The following KDM2B variants were observed in gnomAD, a reference collection of about 807,000 sequenced individuals.
KDM2B encodes the protein lysine-specific demethylase 2B.
Under a neutral mutation model 150.0 loss-of-function variants are expected in KDM2B, and 26 were observed. The ratio of observed to expected loss-of-function variants is 0.17; its 90% CI spans 0.13 to 0.24. The LOEUF (loss-of-function observed/expected upper bound fraction) is 0.24, where lower values mean the gene tolerates loss of function less well. KDM2B is among the 10% of genes least tolerant of loss of function. The pLI, the probability that KDM2B is intolerant of heterozygous loss-of-function variation, is 1.00. For synonymous variants in KDM2B, 734 were observed against 729.5 expected (o/e 1.01, Z -0.10); for missense variants, 1,265 against 1,816.9 (o/e 0.70, Z 5.52).
At chr12:121,459,010 C>T (rs544081203) in intron 12 of KDM2B, among the ~76,000 whole-genome samples, 11 of 148,944 alleles carry the variant, frequency 7.4e-5, no homozygotes, top group African/African-American at 1.2e-4. Context: ...CACTTGAACC[C>T]GGGAGGCAGA....
chr12:121,485,260 A>G (rs1033801328), intron 12 of KDM2B, among the ~76,000 whole-genome samples: 2 of 152,066 alleles, frequency 1.3e-5, no homozygotes, highest in Non-Finnish European at 2.9e-5. Context: ...CAGCTGGGAG[A>G]CTAGAAGGGA....
At position 121,430,062 on chromosome 12, in the gene KDM2B, T is replaced by C; in HGVS notation, c.*226A>G. ...CTTCTTGTAAAGGCCGCCTTAGAAA[T>C]GGTCCAGAAAGCAGTGCAGTTACGA... On this transcript the variant is annotated 3_prime_UTR_variant, in exon 23 of 23. Coordinates refer to ENST00000377071, the MANE Select transcript of KDM2B (RefSeq NM_032590.5). The surrounding 1 kb of genome is among the most constrained non-coding windows in gnomAD (Gnocchi z 4.4). 1 of 1,459,068 alleles carries C rather than the reference T, an allele frequency of 6.9e-7. No homozygotes were observed. Among genetic ancestry groups the C allele is most frequent in the Non-Finnish European group, 9.6e-7 (1 of 1,038,518 alleles). 90.4% of individuals were successfully genotyped at this position (1,459,068 alleles called of 1,614,324 possible). A position where few individuals can be genotyped will look rare whatever the true frequency, so the allele number is the denominator to read the frequency against.
At chr12:121,423,787 G>T in the KDM2B span, 3 of 523,002 alleles carry the variant, frequency 5.7e-6, no homozygotes, top group African/African-American at 5.8e-5. This position sits in a 1 kb window ranked among gnomAD's most constrained non-coding sequence, Gnocchi z 4.3. Context: ...AGCTTCCCGG[G>T]CTCAGCTGGG....
At chr12:121,534,711 C>CT (rs1566388141) in intron 6 of KDM2B, 121 bp from the exon 7 acceptor site, 4 of 689,322 alleles carry the variant, frequency 5.8e-6, no homozygotes, top group Non-Finnish European at 9.9e-6. Context: ...GGGGAATTTT[C>CT]TTTTTTTCTT....
chr12:121,489,898 C>T (rs147079364), intron 12 of KDM2B, among the ~76,000 whole-genome samples: 5 of 152,320 alleles, frequency 3.3e-5, no homozygotes, highest in Non-Finnish European at 7.4e-5. Context: ...AGCACACGGC[C>T]TTCCTGGGAA....
intron 12 of KDM2B, among the ~76,000 whole-genome samples, chr12:121,460,300 T>G (rs1000353108): frequency 1.3e-5 from 2 of 152,220 alleles, no homozygotes; most frequent in African/African-American, 2.4e-5. Context: ...GCAACATCAT[T>G]ATGATGACAT....
intron 8 of KDM2B, among the ~76,000 whole-genome samples, chr12:121,527,459 T>C (rs1555307009): frequency 6.8e-6 from 1 of 146,222 alleles, no homozygotes; most frequent in Admixed American, 6.8e-5. Context: ...GAGACCATCC[T>C]GGCTAACACG....
chr12:121,487,780 G>A (rs1321888623), intron 12 of KDM2B, among the ~76,000 whole-genome samples: 6 of 151,468 alleles, frequency 4.0e-5, no homozygotes, highest in African/African-American at 1.5e-4. Context: ...AAGAGATAAA[G>A]GAGAAGCAGC....
intron 4 of KDM2B, among the ~76,000 whole-genome samples, chr12:121,570,837 A>G (rs1555315792): frequency 6.6e-6 from 1 of 152,242 alleles, no homozygotes; most frequent in Non-Finnish European, 1.5e-5. Context: ...AAGATAAGTG[A>G]AGATGCATGT....
At position 121,439,780 on chromosome 12, in the gene KDM2B, A is replaced by T. The variant is rs1874668502; in HGVS notation, c.3829+77T>A. ...GTGACCACATAGCTGTAGACACACG[A>T]ATCGTTTTCCACAAATGTGAACCTC... On this transcript the variant is annotated intron_variant, in intron 22 of 22. Coordinates refer to ENST00000377071, the MANE Select transcript of KDM2B (RefSeq NM_032590.5). 3 of 1,088,412 alleles carry T rather than the reference A, an allele frequency of 2.8e-6. No individual in the cohort carries two copies. In the Admixed American group the frequency reaches 5.7e-5, roughly 21 times the overall value. 67.4% of individuals were successfully genotyped at this position (1,088,412 alleles called of 1,614,324 possible). A position where few individuals can be genotyped will look rare whatever the true frequency, so the allele number is the denominator to read the frequency against.
chr12:121,445,765 G>C lies in KDM2B; in HGVS notation c.1960-347C>G, dbSNP rs572986426. ...AGAGGGCTGGAGTGAGGGGCAGAAG[G>C]GGGGCTGATTTTAAATATGGAGGTC... On this transcript the variant is annotated intron_variant, in intron 13 of 22. Coordinates refer to ENST00000377071, the MANE Select transcript of KDM2B (RefSeq NM_032590.5). Among the ~76,000 whole-genome samples the C allele has an allele frequency of 2.0e-4, 30 of 152,284 alleles. No individual in the cohort carries two copies. In the South Asian group the frequency reaches 4.8e-3, roughly 24 times the overall value.
chr12:121,534,646 T>G, intron 6 of KDM2B, 56 bp from the exon 7 acceptor site: 3 of 1,340,672 alleles, frequency 2.2e-6, no homozygotes, highest in Non-Finnish European at 3.2e-6. Flanking sequence ...TCACAAGACG[T>G]AAGCAAAGGA....
At chr12:121,507,669 C>T (rs575075343) in intron 11 of KDM2B, among the ~76,000 whole-genome samples, 4 of 152,212 alleles carry the variant, frequency 2.6e-5, no homozygotes, top group African/African-American at 4.8e-5. Flanking sequence ...CCAGAACCAG[C>T]GACACCACAC....
At chr12:121,525,270 G>T (rs1887030320) in intron 8 of KDM2B, among the ~76,000 whole-genome samples, 1 of 152,030 alleles carries the variant, frequency 6.6e-6, no homozygotes, top group Admixed American at 6.6e-5. Context: ...TGTTTTGTTG[G>T]GTTTTTGTTT....
At chr12:121,538,707 T>A (rs772296353) in intron 6 of KDM2B, among the ~76,000 whole-genome samples, 107 of 152,292 alleles carry the variant, frequency 7.0e-4, no homozygotes, top group Non-Finnish European at 1.2e-3. Flanking sequence ...TTCTTCCTGT[T>A]TTCAGATAAG....
At chr12:121,490,711 C>G (rs782737286) in intron 12 of KDM2B, among the ~76,000 whole-genome samples, 1 of 152,164 alleles carries the variant, frequency 6.6e-6, no homozygotes, top group South Asian at 2.1e-4. Context: ...CTACACCACT[C>G]GTGGAAACAG....
At position 121,580,834 on chromosome 12, in the gene KDM2B, C is replaced by G. The variant is rs1275099604; in HGVS notation, c.78G>C (p.Lys26Asn). 11 of 1,614,012 alleles carry G rather than the reference C, an allele frequency of 6.8e-6. No homozygotes were observed. The highest frequency in any genetic ancestry group is 9.3e-6 in the Non-Finnish European group (11 of 1,179,968). ...AGCATTTTGTATATATAACTGTTTT[C>G]TTTTTTTGCTTTTCTGCTGCATGTC... ...RKRHAAEKQK[K>N]KTVIYTKCFE... The change falls in exon 1 of 23, where the codon AAG becomes AAC. Residue 26 changes from lysine (K) to asparagine (N), a missense_variant. By Grantham distance (94) the Lys-to-Asn change is moderately conservative (BLOSUM62 0). This residue lies in a region of KDM2B where 53 missense variants were observed against 56.0 expected (regional missense o/e 0.95). Transcript: ENST00000377071.
At chr12:121,489,732 G>A (rs1369391514) in intron 12 of KDM2B, among the ~76,000 whole-genome samples, 5 of 152,102 alleles carry the variant, frequency 3.3e-5, no homozygotes, top group South Asian at 2.1e-4. Context: ...GAGCCACCAC[G>A]CCTGGCCCTG....
chr12:121,571,593 C>T (rs1169308569), intron 4 of KDM2B, among the ~76,000 whole-genome samples: 1 of 151,926 alleles, frequency 6.6e-6, no homozygotes, highest in Non-Finnish European at 1.5e-5. Flanking sequence ...CGCGCCCAAC[C>T]AACTTCTACA....
Sources: gnomAD v4.1 joint callset for allele counts (sites outside exome capture counted in the v4.1 genomes callset) on GRCh38, gnomAD v4.1.1 for gene constraint, gnomAD v4.1.1 regional missense constraint, Gnocchi (gnomAD v3.1) non-coding constraint, MANE v1.5 for transcripts, NCBI Gene and HGNC (gene_info 2026-07-23, HGNC 2026-07-21) for gene names.